The following C5orf63 variants were observed in gnomAD, a reference collection of about 807,000 sequenced individuals.
C5orf63 encodes the protein glutaredoxin-like protein C5orf63.
In C5orf63, 18 loss-of-function variants were observed where a neutral mutation model predicts 13.3. The ratio of observed to expected loss-of-function variants is 1.36; its 90% CI spans 0.94 to 2.01. The LOEUF (loss-of-function observed/expected upper bound fraction) is 2.01. Ranked by LOEUF, C5orf63 falls within the 30% of genes most tolerant of loss-of-function variation. The probability of loss-of-function intolerance (pLI) is 0.00; values close to 1 mark genes in which losing one functional copy is unlikely to be tolerated. For missense variants in C5orf63, 118 were observed against 127.7 expected (o/e 0.92, Z 0.36); for synonymous variants, 38 against 44.7 (o/e 0.85, Z 0.60).
At chr5:127,061,936 G>A (rs1370440703) in intron 2 of C5orf63, among the ~76,000 whole-genome samples, 1 of 152,224 alleles carries the variant, frequency 6.6e-6, no homozygotes, top group Non-Finnish European at 1.5e-5. Context: ...GTGGTGATCT[G>A]ACTACGACCA....
downstream of C5orf63, among the ~76,000 whole-genome samples, chr5:127,050,076 AG>A (rs960037447): frequency 1.3e-5 from 2 of 152,188 alleles, no homozygotes; most frequent in African/African-American, 4.8e-5. Flanking sequence ...ATAACTAACC[AG>A]AGAGAATTCT....
intron 3 of C5orf63, among the ~76,000 whole-genome samples, chr5:127,054,456 T>C (rs1002413414): frequency 6.6e-6 from 1 of 152,202 alleles, no homozygotes; most frequent in Non-Finnish European, 1.5e-5. Context: ...TATCTCATTG[T>C]GGTTTTGATT....
chr5:127,047,375 A>G (rs983405388), downstream of C5orf63: 23 of 251,096 alleles, frequency 9.2e-5, no homozygotes, highest in Non-Finnish European at 1.4e-4. Context: ...AATAGGTGAC[A>G]TAACACTGAT....
intron 3 of C5orf63, among the ~76,000 whole-genome samples, chr5:127,055,698 A>G (rs1753857136): frequency 6.6e-6 from 1 of 152,208 alleles, no homozygotes. Flanking sequence ...ATTTTCAGAG[A>G]AAGTTTCAAA....
chr5:127,049,578 T>TA (rs1460422516), downstream of C5orf63, among the ~76,000 whole-genome samples: 1 of 152,228 alleles, frequency 6.6e-6, no homozygotes, highest in African/African-American at 2.4e-5. Flanking sequence ...TGCTCCTTAA[T>TA]AGATAGTGAG....
At chr5:127,060,164 A>C (rs2126891372) in intron 2 of C5orf63, among the ~76,000 whole-genome samples, 1 of 152,130 alleles carries the variant, frequency 6.6e-6, no homozygotes, top group African/African-American at 2.4e-5. Flanking sequence ...AAGAACAAAA[A>C]CCACAAAGCT....
At chr5:127,065,187 G>C (rs1395397050) in intron 2 of C5orf63, among the ~76,000 whole-genome samples, 1 of 152,184 alleles carries the variant, frequency 6.6e-6, no homozygotes, top group Non-Finnish European at 1.5e-5. Flanking sequence ...ACAGTGATTA[G>C]TGAATCAATG....
downstream of C5orf63, chr5:127,047,062 G>A (rs189969110): frequency 2.0e-5 from 3 of 152,276 alleles, no homozygotes; most frequent in East Asian, 1.9e-4. Flanking sequence ...CCCTTGTTTC[G>A]TGCAATAAAC....
At chr5:127,066,702 A>C (rs935256632) in intron 2 of C5orf63, among the ~76,000 whole-genome samples, 8 of 152,110 alleles carry the variant, frequency 5.3e-5, no homozygotes, top group African/African-American at 1.9e-4. Context: ...TCTAAAGATA[A>C]AGACTTGAGT....
chr5:127,060,499 T>C (rs936610244), intron 2 of C5orf63, among the ~76,000 whole-genome samples: 5 of 152,248 alleles, frequency 3.3e-5, no homozygotes, highest in African/African-American at 4.8e-5. Context: ...GTAAATATTA[T>C]AATTTCACTT....
intron 1 of C5orf63, among the ~76,000 whole-genome samples, chr5:127,072,580 AC>A (rs1191492467): frequency 6.6e-6 from 1 of 152,160 alleles, no homozygotes; most frequent in Admixed American, 6.5e-5. Context: ...GATCTTAGAC[AC>A]CATCTCTGTC....
intron 2 of C5orf63, among the ~76,000 whole-genome samples, chr5:127,069,430 AAACAACTG>A (rs1448873529): frequency 4.6e-5 from 7 of 152,334 alleles, no homozygotes; most frequent in Admixed American, 4.6e-4. Context: ...CCATTTCCAA[AAACAACTG>A]TTTGCAATTC....
rs758134093 is a variant in C5orf63 at position 127,058,857 on chromosome 5, A to G, written c.114+25T>C. 3 of 1,434,332 alleles carry G rather than the reference A, an allele frequency of 2.1e-6. No homozygotes were observed. The South Asian group carries it at 3.7e-5, about 18-fold the overall frequency. The allele number at this position is 1,434,332 out of a possible 1,614,324, so 88.9% of individuals were successfully genotyped here. A position where few individuals can be genotyped will look rare whatever the true frequency, so the allele number is the denominator to read the frequency against. ...TTAAATGTACAACTTTCTTCACCCA[A>G]CAATTTTACTTTTTCACTTTGTACC... On this transcript the variant is annotated intron_variant, in intron 3 of 4. Coordinates refer to ENST00000296662, the MANE Select transcript of C5orf63 (RefSeq NM_001164478.2).
downstream of C5orf63, chr5:127,047,777 T>C: frequency 1.4e-6 from 1 of 703,998 alleles, no homozygotes; most frequent in South Asian, 1.5e-5. Context: ...TCTAATCCCA[T>C]GTCATAATCA....
At chr5:127,046,674 CCTT>C (rs1375881073), downstream of C5orf63, 1 of 152,214 alleles carries the variant, frequency 6.6e-6, no homozygotes, top group African/African-American at 2.4e-5. Flanking sequence ...AAAGGTGGCT[CCTT>C]CTATAGATTT....
intron 3 of C5orf63, among the ~76,000 whole-genome samples, chr5:127,055,643 A>G (rs1161954703): frequency 1.3e-5 from 2 of 152,190 alleles, no homozygotes; most frequent in East Asian, 3.8e-4. Flanking sequence ...TTAGCAATAC[A>G]TAGATTATGG....
intron 1 of C5orf63, among the ~76,000 whole-genome samples, chr5:127,072,626 GCCATA>G (rs1265107773): frequency 6.6e-6 from 1 of 151,918 alleles, no homozygotes; most frequent in Non-Finnish European, 1.5e-5. Flanking sequence ...TCAAGCTAAG[GCCATA>G]CTATGGATTT....
At chr5:127,052,703 C>A in intron 3 of C5orf63, 34 bp from the exon 4 acceptor site, 2 of 1,449,314 alleles carry the variant, frequency 1.4e-6, no homozygotes, top group South Asian at 1.4e-5. Context: ...GCGATTAAAC[C>A]CAAAGAATGG....
chr5:127,050,723 C>T (rs1448998873), downstream of C5orf63, among the ~76,000 whole-genome samples: 1 of 152,132 alleles, frequency 6.6e-6, no homozygotes, highest in East Asian at 1.9e-4. Context: ...GGTCAGCTAG[C>T]TCTAATATTC....
Sources: gnomAD v4.1 joint callset for allele counts (sites outside exome capture counted in the v4.1 genomes callset) on GRCh38, gnomAD v4.1.1 for gene constraint, MANE v1.5 for transcripts, NCBI Gene and HGNC (gene_info 2026-07-23, HGNC 2026-07-21) for gene names.